Variants in CMIP observed in about 807,000 individuals in gnomAD.
CMIP encodes C-Maf-inducing protein.
Under a neutral mutation model 97.3 loss-of-function variants are expected in CMIP, and 13 were observed. That is an observed-to-expected ratio of 0.13 (90% CI 0.09 to 0.21). CMIP has a LOEUF of 0.21. CMIP is among the 10% of genes least tolerant of loss of function. The pLI, the probability that CMIP is intolerant of heterozygous loss-of-function variation, is 1.00. For missense variants in CMIP, 847 were observed against 1,024.9 expected (o/e 0.83, Z 2.37); for synonymous variants, 538 against 436.3 (o/e 1.23, Z -2.91).
chr16:81,604,572 G>A (rs1047689653), intron 1 of CMIP, among the ~76,000 whole-genome samples: 1 of 151,612 alleles, frequency 6.6e-6, no homozygotes, highest in African/African-American at 2.4e-5. Context: ...ATGGTGGCAG[G>A]CGCCTGTAAT....
intron 7 of CMIP, 60 bp from the exon 8 acceptor site, chr16:81,670,082 G>A: frequency 6.6e-7 from 1 of 1,514,940 alleles, no homozygotes; most frequent in Non-Finnish European, 9.0e-7. Context: ...TGTCCTGGCT[G>A]CCCTGGGCTC....
At chr16:81,552,713 G>T (rs1313303394) in intron 1 of CMIP, among the ~76,000 whole-genome samples, 2 of 152,178 alleles carry the variant, frequency 1.3e-5, no homozygotes. Context: ...ACATTCCCAG[G>T]TTCTGGGGAT....
intron 1 of CMIP, among the ~76,000 whole-genome samples, chr16:81,469,290 G>T (rs1464533844): frequency 1.3e-5 from 2 of 152,244 alleles, no homozygotes; most frequent in East Asian, 3.8e-4. Context: ...AAAACAGCAT[G>T]TTGGAAGTTC....
At chr16:81,686,057 A>G (rs1186131728) in intron 10 of CMIP, among the ~76,000 whole-genome samples, 4 of 152,150 alleles carry the variant, frequency 2.6e-5, no homozygotes, top group African/African-American at 7.2e-5. Context: ...TTTCCTGCCT[A>G]TAAAATGGGG....
At chr16:81,660,752 A>G (rs1300773612) in intron 5 of CMIP, 132 bp from the exon 6 acceptor site, 4 of 936,910 alleles carry the variant, frequency 4.3e-6, no homozygotes, top group African/African-American at 3.3e-5. Context: ...TGCTTTTAAT[A>G]TGAATGATGT....
intron 3 of CMIP, among the ~76,000 whole-genome samples, chr16:81,643,120 G>T (rs774378076): frequency 6.6e-6 from 1 of 152,174 alleles, no homozygotes; most frequent in Admixed American, 6.5e-5. Flanking sequence ...TGTGACCTGC[G>T]CAAGGTATGA....
At chr16:81,645,456 C>G in intron 3 of CMIP, 1 of 1,524,480 alleles carries the variant, frequency 6.6e-7, no homozygotes, top group Non-Finnish European at 8.8e-7. Flanking sequence ...CTGAGTCACT[C>G]CTCTCCTGGC....
chr16:81,679,161 T>G (rs1210457256), intron 10 of CMIP, among the ~76,000 whole-genome samples: 1 of 151,978 alleles, frequency 6.6e-6, no homozygotes, highest in Non-Finnish European at 1.5e-5. Context: ...CGGCCATGGG[T>G]GGATGTGGGT....
At chr16:81,608,294 A>G (rs1186214520) in intron 2 of CMIP, among the ~76,000 whole-genome samples, 1 of 152,194 alleles carries the variant, frequency 6.6e-6, no homozygotes, top group African/African-American at 2.4e-5. Flanking sequence ...GGGAAGCCTT[A>G]GAGGGGACTT....
intron 1 of CMIP, among the ~76,000 whole-genome samples, chr16:81,482,919 C>T (rs1028862465): frequency 3.9e-5 from 6 of 152,372 alleles, no homozygotes; most frequent in Admixed American, 2.0e-4. Context: ...CTTGCTCGTC[C>T]GTTCAGCAGA....
intron 1 of CMIP, among the ~76,000 whole-genome samples, chr16:81,572,547 C>A (rs539593649): frequency 5.9e-5 from 9 of 152,356 alleles, no homozygotes; most frequent in East Asian, 3.9e-4. Flanking sequence ...TCTTTGTTTC[C>A]TTCCCTGACG....
intron 6 of CMIP, among the ~76,000 whole-genome samples, chr16:81,663,098 A>C (rs1265872411): frequency 4.7e-5 from 1 of 21,480 alleles, no homozygotes; most frequent in Non-Finnish European, 7.8e-5. Context: ...TTTTAACTCC[A>C]AAAAAAAAAA....
rs1361623511 is a variant in CMIP at position 81,664,340 on chromosome 16, G to A, written c.816G>A (p.Lys272=). ...CCCCCGTGGTGCAGCGAATCCTCAAGCATAACATGGTGAGTCACCCTGCCC... is the reference window on the plus strand; with the variant it reads ...CCCCCGTGGTGCAGCGAATCCTCAAACATAACATGGTGAGTCACCCTGCCC... The part of the protein sequence containing the change: ...VFTPVVQRIL[K]HNMDFGKCPR... Residue 272 remains lysine (K), a synonymous_variant, in exon 7 of 21, where the codon AAG becomes AAA. Transcript: ENST00000537098. 11 of 1,593,890 alleles carry A rather than the reference G, an allele frequency of 6.9e-6. No homozygotes were observed. Among genetic ancestry groups the A allele is most frequent in the Non-Finnish European group, 8.5e-6 (10 of 1,170,944 alleles).
At chr16:81,673,337 G>A (rs976135651) in intron 9 of CMIP, among the ~76,000 whole-genome samples, 4 of 152,108 alleles carry the variant, frequency 2.6e-5, no homozygotes, top group African/African-American at 9.7e-5. Flanking sequence ...CCAACATAGT[G>A]AAACCCCGTC....
At chr16:81,644,693 A>G (rs969057113) in intron 3 of CMIP, among the ~76,000 whole-genome samples, 2 of 152,264 alleles carry the variant, frequency 1.3e-5, no homozygotes, top group African/African-American at 2.4e-5. Context: ...ATCTGCAGCC[A>G]TAGTGAGTCT....
intron 5 of CMIP, among the ~76,000 whole-genome samples, chr16:81,659,075 G>A (rs978384828): frequency 6.6e-6 from 1 of 152,208 alleles, no homozygotes; most frequent in Non-Finnish European, 1.5e-5. Context: ...TTTTCTCCAT[G>A]CTTTCACCCG....
intron 1 of CMIP, among the ~76,000 whole-genome samples, chr16:81,540,244 C>T (rs1473620128): frequency 6.6e-6 from 1 of 152,130 alleles, no homozygotes; most frequent in Admixed American, 6.5e-5. Context: ...TTGATGAGTC[C>T]CCGGCTTTCC....
intron 1 of CMIP, among the ~76,000 whole-genome samples, chr16:81,604,299 G>C (rs1453275515): frequency 1.3e-5 from 2 of 151,626 alleles, no homozygotes; most frequent in African/African-American, 4.9e-5. Flanking sequence ...AGGAGGCTGA[G>C]GCAGGAGAAT....
chr16:81,606,289 T>TA (rs1182482430), intron 1 of CMIP, among the ~76,000 whole-genome samples: 2 of 152,214 alleles, frequency 1.3e-5, no homozygotes, highest in South Asian at 2.1e-4. Context: ...ATGACCTTGA[T>TA]ACCTGTTCCA....
Sources: allele counts gnomAD v4.1 joint callset (sites outside exome capture counted in the v4.1 genomes callset), GRCh38; gene constraint gnomAD v4.1.1; transcripts MANE v1.5; gene names NCBI Gene and HGNC (gene_info 2026-07-23, HGNC 2026-07-21).